The following AP3D1 variants were observed in gnomAD, a reference collection of about 807,000 sequenced individuals.
AP3D1 encodes the protein AP-3 complex subunit delta-1.
Under a neutral mutation model 147.6 loss-of-function variants are expected in AP3D1, and 51 were observed. The observed-to-expected ratio is 0.35, with a 90% CI of 0.28 to 0.44. AP3D1 has a LOEUF of 0.44. Among genes scored for constraint, AP3D1 ranks in the 20% least tolerant of loss-of-function variants. The pLI, the probability that AP3D1 is intolerant of heterozygous loss-of-function variation, is 1.00. For synonymous variants in AP3D1, 760 were observed against 663.0 expected, an observed-to-expected ratio of 1.15 and a Z score of -2.25; for missense variants, 1,421 against 1,624.2, an observed-to-expected ratio of 0.87 and a Z score of 2.15.
Position 2,163,923 on chromosome 19 carries a change from C to T in AP3D1, c.-103+433G>A, listed in dbSNP as rs1418014688. The stretch of plus-strand genomic sequence containing the variant: ...GCGCGGGGCGAGTGGTTCCGCCCGG[C>T]CCCCGGCTCATTGTGCTCGCTTCAC... On this transcript the variant is annotated intron_variant, in intron 1 of 14. Transcript: ENST00000643010. 1.3e-5 allele frequency among the ~76,000 whole-genome samples: 2 copies of T among 149,658 alleles called. 1 individual carries two copies. The highest frequency in any genetic ancestry group is 4.1e-4 in the South Asian group (2 of 4,830).
chr19:2,112,936 G>A lies in AP3D1; in HGVS notation c.2711C>T (p.Pro904Leu), dbSNP rs535799229. The A allele has an allele frequency of 1.2e-5, 19 of 1,612,988 alleles. No individual in the cohort carries two copies. Among genetic ancestry groups the A allele is most frequent in the Middle Eastern group, 1.7e-4 (1 of 6,058 alleles). The change falls in exon 24 of 32, where the codon CCG (proline) becomes CTG (leucine). Residue 904 changes from proline to leucine, a missense_variant. Coordinates refer to ENST00000643116, the MANE Select transcript of AP3D1 (RefSeq NM_001261826.3). ...GELSVNTVTT[P>L]KDECEDAKTE... ...CTTGGCGTCCTCACACTCGTCCTTC[G>A]GGGTAGTGACAGTGTTCACACTGAG... is the stretch of plus-strand genomic sequence containing the variant.
rs148012897 is a variant in AP3D1, at chr19:2,106,072, G to A, written c.3552+2615C>T. On this transcript the variant is annotated intron_variant, in intron 31 of 31. Coordinates refer to ENST00000643116, the MANE Select transcript of AP3D1 (RefSeq NM_001261826.3). The stretch of plus-strand genomic sequence containing the variant: ...CGCACCACTGCACTCCAGCCTGGGC[G>A]ACAGAGCGAGACTCCATCTCAAAAA... Among the ~76,000 whole-genome samples, 552 of 152,086 alleles carry A rather than the reference G, an allele frequency of 3.6e-3. 9 individuals carry two copies. The highest frequency in any genetic ancestry group is 0.035 in the East Asian group (182 of 5,148).
At chr19:2,114,039 T>G in intron 22 of AP3D1, 86 bp downstream of exon 22, 1 of 1,475,638 alleles carries the variant, frequency 6.8e-7, no homozygotes, top group Non-Finnish European at 9.0e-7. Context: ...CTCACAGCCA[T>G]TTCCCCTGAG....
chr19:2,126,735 A>G (rs534017420), intron 9 of AP3D1, among the ~76,000 whole-genome samples: 1 of 152,100 alleles, frequency 6.6e-6, no homozygotes, highest in East Asian at 1.9e-4. Context: ...GTGAAACGAT[A>G]TGCTGTCTCA....
chr19:2,148,277 G>A (rs1032959049), intron 1 of AP3D1, among the ~76,000 whole-genome samples: 4 of 152,136 alleles, frequency 2.6e-5, no homozygotes, highest in African/African-American at 7.2e-5. Flanking sequence ...AGAAGCTGAG[G>A]ACACTCCCAA....
In AP3D1 at chr19:2,111,795, T is replaced by G; in HGVS notation, c.2821A>C (p.Lys941Gln). 1 of 1,613,996 alleles carries G rather than the reference T, an allele frequency of 6.2e-7. No homozygotes were observed. The change falls in exon 25 of 32, where the codon AAG (lysine) becomes CAG (glutamine). Residue 941 changes from lysine to glutamine, a missense_variant. Around this residue, in one of 6 missense-constraint regions of AP3D1, gnomAD observed 791 missense variants for 761.4 expected, o/e 1.04. Transcript: ENST00000643116. ...SPKPKKKKHR[K>Q]EKEERTKGKK... is the part of the protein sequence containing the mutation. The stretch of plus-strand genomic sequence containing the variant: ...CCTTTGGTCCGCTCCTCCTTCTCCT[T>G]CCTGTGCTTCTTCTTCTTAGGCTTG...
chr19:2,123,969 C>G (rs975324871), intron 9 of AP3D1, 90 bp from the exon 10 acceptor site: 1 of 1,395,452 alleles, frequency 7.2e-7, no homozygotes, highest in Admixed American at 2.0e-5. Context: ...CACCCCCTCG[C>G]CGGGAGGAGG....
In AP3D1 at chr19:2,114,241, A is replaced by G. The variant is rs756070003; in HGVS notation, c.2485T>C (p.Ser829Pro). The change falls in exon 22 of 32, where the codon TCC (serine) becomes CCC (proline). Residue 829 changes from serine to proline, a missense_variant. Ser to Pro is a moderately conservative substitution (Grantham distance 74, BLOSUM62 -1). Coordinates refer to ENST00000643116, the MANE Select transcript of AP3D1 (RefSeq NM_001261826.3). ...QKHRNTETSKSPEKDVPMVEK... is the reference protein window; with the variant it reads ...QKHRNTETSKPPEKDVPMVEK... ...ACCATGGGAACGTCCTTCTCAGGGGATTTTGAGGTCTCGGTGTTTCTGTGT... is the reference window on the plus strand; with the variant it reads ...ACCATGGGAACGTCCTTCTCAGGGGGTTTTGAGGTCTCGGTGTTTCTGTGT... 2 of 1,609,580 alleles carry G rather than the reference A, an allele frequency of 1.2e-6. No homozygotes were observed. Among genetic ancestry groups the G allele is most frequent in the Non-Finnish European group, 8.5e-7 (1 of 1,178,686 alleles).
At chr19:2,113,080 G>A (rs2018332743) in intron 23 of AP3D1, 113 bp from the exon 24 acceptor site, 2 of 749,646 alleles carry the variant, frequency 2.7e-6, no homozygotes, top group Admixed American at 5.5e-5. Flanking sequence ...GCCTGCCTGA[G>A]AGGCCACAGT....
chr19:2,132,252 C>A (rs898411998), intron 5 of AP3D1, among the ~76,000 whole-genome samples: 2 of 152,192 alleles, frequency 1.3e-5, no homozygotes, highest in South Asian at 4.1e-4. Flanking sequence ...TTGCTCCTCT[C>A]GGCAAGATGA....
intron 15 of AP3D1, among the ~76,000 whole-genome samples, chr19:2,117,740 C>T (rs1451504760): frequency 6.6e-6 from 1 of 152,278 alleles, no homozygotes; most frequent in Non-Finnish European, 1.5e-5. Flanking sequence ...CAACAGTGAC[C>T]ATGGGCCAAG....
At chr19:2,113,306 G>A in intron 23 of AP3D1, 30 bp downstream of exon 23, 1 of 1,241,362 alleles carries the variant, frequency 8.1e-7, no homozygotes, top group Non-Finnish European at 1.1e-6. Context: ...AGACACCGAG[G>A]CTGGCACTGG....
intron 11 of AP3D1, among the ~76,000 whole-genome samples, chr19:2,122,989 C>T (rs1358186792): frequency 6.6e-6 from 1 of 152,246 alleles, no homozygotes; most frequent in Non-Finnish European, 1.5e-5. Flanking sequence ...AACGCAAAGC[C>T]TCACGCACCC....
chr19:2,113,370 G>A lies in AP3D1; in HGVS notation c.2645C>T (p.Ala882Val). The A allele has an allele frequency of 1.9e-6, 1 of 538,160 alleles. No individual in the cohort carries two copies. The highest frequency in any genetic ancestry group is 3.0e-6 in the Non-Finnish European group (1 of 331,972). 33.3% of individuals were successfully genotyped at this position (538,160 alleles called of 1,614,324 possible). The change falls in exon 23 of 32, where the codon GCC becomes GTC. Residue 882 changes from alanine to valine, a missense_variant. Physicochemically the swap from Ala to Val is moderately conservative, Grantham distance 64. Coordinates refer to ENST00000643116, the MANE Select transcript of AP3D1 (RefSeq NM_001261826.3). Reference sequence around the variant, plus strand: ...AACGGGGGCGGGGGCGGGGGCGGGGGCAGGCGGTGGGGTGGTAGACAGCCA... The same window carrying A: ...AACGGGGGCGGGGGCGGGGGCGGGGACAGGCGGTGGGGTGGTAGACAGCCA... ...DFWLSTTPPP[A>V]PAPAPAPVPS...
At position 2,102,133 on chromosome 19, in the gene AP3D1, T is replaced by C. The variant is rs1421384038; in HGVS notation, c.*40A>G. 16 of 1,531,386 alleles carry C rather than the reference T, an allele frequency of 1.0e-5. No homozygotes were observed. The highest frequency in any genetic ancestry group is 1.4e-5 in the Non-Finnish European group (16 of 1,107,704). 94.9% of individuals were successfully genotyped at this position (1,531,386 alleles called of 1,614,324 possible). A position where few individuals can be genotyped will look rare whatever the true frequency, so the allele number is the denominator to read the frequency against. On this transcript the variant is annotated 3_prime_UTR_variant, in exon 32 of 32. Coordinates refer to ENST00000643116, the MANE Select transcript of AP3D1 (RefSeq NM_001261826.3). ...ACACGTCAGGGCTGCGGTCCCTGGG[T>C]ACGTGCTCCGCGGGGTGGTGCGGGG...
Position 2,115,348 on chromosome 19 carries a change from G to C in AP3D1, c.2220C>G (p.Asp740Glu). 1.9e-6 allele frequency: 3 copies of C among 1,609,012 alleles called. No individual in the cohort carries two copies. The highest frequency in any genetic ancestry group is 1.7e-6 in the Non-Finnish European group (2 of 1,179,844). The change falls in exon 20 of 32, where the codon GAC (aspartate) becomes GAG (glutamate). Residue 740 changes from aspartate to glutamate, a missense_variant. Transcript: ENST00000643116. Reference sequence around the variant, plus strand: ...TCTCCTTCCTCTTTTTCCTCCTCTTGTCCTTCTCCAGCTTCTGCCGGTGCC... The same window carrying C: ...TCTCCTTCCTCTTTTTCCTCCTCTTCTCCTTCTCCAGCTTCTGCCGGTGCC... ...ERRHRQKLEK[D>E]KRRKKRKEKE...
At chr19:2,102,973 T>C (rs1262944042) in intron 31 of AP3D1, among the ~76,000 whole-genome samples, 1 of 149,066 alleles carries the variant, frequency 6.7e-6, no homozygotes, top group African/African-American at 2.5e-5. Flanking sequence ...TAAAAGTACA[T>C]GCAGGCCAGG....
At chr19:2,161,915 T>C (rs2019701697) in intron 1 of AP3D1, among the ~76,000 whole-genome samples, 1 of 151,706 alleles carries the variant, frequency 6.6e-6, no homozygotes, top group African/African-American at 2.4e-5. Flanking sequence ...CAGTCACTAC[T>C]CCAGCCTAGG....
chr19:2,110,207 G>C lies in AP3D1; in HGVS notation c.3193C>G (p.Gln1065Glu). 6.2e-7 allele frequency: 1 copy of C among 1,612,350 alleles called. No individual in the cohort carries two copies. Among genetic ancestry groups the C allele is most frequent in the Non-Finnish European group, 8.5e-7 (1 of 1,179,970 alleles). ...ATGCTCTGGATGGTGAACACATACT[G>C]GGCTTCGTTGGAGACGCCTGGCGGG... is the stretch of plus-strand genomic sequence containing the variant. ...QLPPGVSNEA[Q>E]YVFTIQSIVM... Residue 1065 changes from glutamine to glutamate, a missense_variant, in exon 28 of 32, where the codon CAG (glutamine) becomes GAG (glutamate). Around this residue, in one of 6 missense-constraint regions of AP3D1, gnomAD observed 791 missense variants for 761.4 expected, o/e 1.04. Transcript: ENST00000643116.
Sources: allele counts gnomAD v4.1 joint callset (sites outside exome capture counted in the v4.1 genomes callset), GRCh38; gene constraint gnomAD v4.1.1; regional missense constraint gnomAD v4.1.1; transcripts MANE v1.5; gene names NCBI Gene and HGNC (gene_info 2026-07-23, HGNC 2026-07-21).